Variants in TBCK observed in about 807,000 individuals in gnomAD.
TBCK encodes TBC domain-containing protein kinase-like protein.
Under a neutral mutation model 113.4 loss-of-function variants are expected in TBCK, and 99 were observed. The observed-to-expected ratio is 0.87, with a 90% confidence interval of 0.74 to 1.03. The LOEUF (loss-of-function observed/expected upper bound fraction) is 1.03. Ranked by LOEUF, TBCK falls within the 50% of genes least tolerant of loss-of-function variation. TBCK has a pLI of 0.00. For synonymous variants in TBCK, 369 were observed against 370.8 expected, an observed-to-expected ratio of 1.00 and a Z score of 0.05; for missense variants, 1,045 against 1,061.3, an observed-to-expected ratio of 0.98 and a Z score of 0.21.
chr4:106,207,702 AT>A (rs1755685549), intron 20 of TBCK, among the ~76,000 whole-genome samples: 1 of 152,214 alleles, frequency 6.6e-6, no homozygotes, highest in African/African-American at 2.4e-5. Context: ...AGGCCTCATC[AT>A]TTTTATATTA....
Position 106,242,494 on chromosome 4 carries a change from T to C in TBCK, c.1146A>G (p.Thr382=), listed in dbSNP as rs534283045. 6.2e-6 allele frequency: 10 copies of C among 1,606,314 alleles called. No homozygotes were observed. The highest frequency in any genetic ancestry group is 2.5e-6 in the Non-Finnish European group (3 of 1,176,492). ...CATTTCTTAGCTGGCATAACGACAA[T>C]GTCACAGTGGTATCATCTAAAAGCG... is the stretch of plus-strand genomic sequence containing the variant. ...RSSLLDDTTV[T]LSLCQLRNRL... Residue 382 remains threonine (T), a synonymous_variant, in exon 12 of 26, where the codon ACA becomes ACG. Transcript: ENST00000394708.
chr4:106,059,617 T>C (rs1735811014), intron 25 of TBCK, among the ~76,000 whole-genome samples: 1 of 151,614 alleles, frequency 6.6e-6, no homozygotes. Context: ...TCCTTAAGCC[T>C]CCCTATTTCC....
intron 3 of TBCK, among the ~76,000 whole-genome samples, chr4:106,277,223 T>C (rs899646635): frequency 1.3e-5 from 2 of 152,198 alleles, no homozygotes; most frequent in African/African-American, 2.4e-5. Flanking sequence ...AGAAATTATA[T>C]ATTGTTGGTG....
At chr4:106,263,502 G>A (rs1441987626) in intron 3 of TBCK, among the ~76,000 whole-genome samples, 3 of 151,844 alleles carry the variant, frequency 2.0e-5, no homozygotes, top group Non-Finnish European at 4.4e-5. Flanking sequence ...CATGGGCTTG[G>A]GTGGGGGGTA....
chr4:106,135,763 A>C (rs1368994320), intron 23 of TBCK, among the ~76,000 whole-genome samples: 3 of 141,822 alleles, frequency 2.1e-5, no homozygotes, highest in African/African-American at 7.5e-5. Context: ...ACTTGTTCTT[A>C]TAAAAGTTAA....
chr4:106,168,433 C>T (rs1184560653), intron 23 of TBCK, among the ~76,000 whole-genome samples: 1 of 151,912 alleles, frequency 6.6e-6, no homozygotes, highest in Non-Finnish European at 1.5e-5. Context: ...AGATCAGGAA[C>T]AAGGTAAGGA....
intron 12 of TBCK, among the ~76,000 whole-genome samples, chr4:106,237,976 T>C (rs1368000765): frequency 6.6e-6 from 1 of 152,098 alleles, no homozygotes; most frequent in East Asian, 1.9e-4. Context: ...ATAAAAATTA[T>C]TATATGGTTT....
At chr4:106,228,321 G>T (rs1426907484) in intron 19 of TBCK, among the ~76,000 whole-genome samples, 2 of 146,344 alleles carry the variant, frequency 1.4e-5, no homozygotes, top group East Asian at 4.0e-4. Context: ...CAAATACAAG[G>T]TCTTATTTAT....
intron 23 of TBCK, among the ~76,000 whole-genome samples, chr4:106,131,559 G>A (rs980895915): frequency 2.6e-5 from 4 of 152,184 alleles, no homozygotes; most frequent in Non-Finnish European, 4.4e-5. Context: ...GTTGCAGCGA[G>A]CCAAGATCGC....
At chr4:106,075,408 A>T (rs536226969) in intron 25 of TBCK, among the ~76,000 whole-genome samples, 2 of 152,370 alleles carry the variant, frequency 1.3e-5, no homozygotes, top group African/African-American at 4.8e-5. Flanking sequence ...TATTTATCAT[A>T]GCATCTGGTT....
intron 22 of TBCK, among the ~76,000 whole-genome samples, chr4:106,185,931 G>C (rs916678888): frequency 1.3e-5 from 2 of 151,948 alleles, no homozygotes; most frequent in African/African-American, 2.4e-5. Context: ...TCTTCGTTGT[G>C]TCCATGTGCA....
chr4:106,231,259 A>C (rs542897288), intron 18 of TBCK, among the ~76,000 whole-genome samples: 1 of 151,898 alleles, frequency 6.6e-6, no homozygotes, highest in Non-Finnish European at 1.5e-5. Context: ...GGCTGTCAAA[A>C]AATATTACAA....
intron 25 of TBCK, among the ~76,000 whole-genome samples, chr4:106,080,570 TAG>T (rs1348004029): frequency 6.6e-6 from 1 of 152,156 alleles, no homozygotes; most frequent in Admixed American, 6.5e-5. Flanking sequence ...ATCAAAACCC[TAG>T]AAGAAAACCT....
intron 19 of TBCK, among the ~76,000 whole-genome samples, chr4:106,224,923 CAAG>C (rs1758075157): frequency 6.6e-6 from 1 of 152,148 alleles, no homozygotes; most frequent in African/African-American, 2.4e-5. Context: ...CTACCACACA[CAAG>C]AAAATTGAAA....
At chr4:106,292,569 CAA>C (rs36032025) in intron 3 of TBCK, among the ~76,000 whole-genome samples, 18 of 115,788 alleles carry the variant, frequency 1.6e-4, no homozygotes, top group Admixed American at 3.7e-4. Flanking sequence ...GACTCCATCT[CAA>C]AAAAAAAAAA....
intron 23 of TBCK, among the ~76,000 whole-genome samples, chr4:106,131,496 C>T (rs1283785460): frequency 3.3e-5 from 5 of 152,246 alleles, no homozygotes; most frequent in Admixed American, 1.3e-4. Context: ...GCCTGTAATC[C>T]CAGCTACTTG....
intron 22 of TBCK, among the ~76,000 whole-genome samples, chr4:106,178,579 G>C (rs958241705): frequency 1.3e-5 from 2 of 151,772 alleles, no homozygotes; most frequent in African/African-American, 4.8e-5. Context: ...GAATCATATG[G>C]GTTTTGTTCT....
chr4:106,230,248 G>T, intron 19 of TBCK, 115 bp downstream of exon 19: 1 of 505,770 alleles, frequency 2.0e-6, no homozygotes. Context: ...GATTTTATTG[G>T]ATGGACCATC....
intron 24 of TBCK, among the ~76,000 whole-genome samples, chr4:106,105,451 C>G (rs895967577): frequency 6.6e-6 from 1 of 152,184 alleles, no homozygotes; most frequent in East Asian, 1.9e-4. Flanking sequence ...GTGGGCAGCC[C>G]AGGAGTGCCA....
Sources: allele counts gnomAD v4.1 joint callset (sites outside exome capture counted in the v4.1 genomes callset), GRCh38; gene constraint gnomAD v4.1.1; transcripts MANE v1.5; gene names NCBI Gene and HGNC (gene_info 2026-07-23, HGNC 2026-07-21).